PARD3: variants seen among roughly 807,000 people sequenced by gnomAD.
PARD3 encodes par-3 family cell polarity regulator.
In PARD3, 75 loss-of-function variants were observed where a neutral mutation model predicts 155.4. The observed-to-expected ratio is 0.48, with a 90% CI of 0.40 to 0.58. The LOEUF is 0.58. Among genes scored for constraint, PARD3 ranks in the 20% least tolerant of loss-of-function variants. The pLI is 0.00. For missense variants in PARD3, 1,642 were observed against 1,721.7 expected (o/e 0.95, Z 0.82); for synonymous variants, 576 against 610.5 (o/e 0.94, Z 0.83).
At chr10:34,175,162 TA>T (rs1220357828) in intron 22 of PARD3, among the ~76,000 whole-genome samples, 2 of 152,184 alleles carry the variant, frequency 1.3e-5, no homozygotes, top group Non-Finnish European at 2.9e-5. Flanking sequence ...CTGCACATGG[TA>T]AAAAAGAATC....
chr10:34,681,641 T>C (rs1590617129), intron 2 of PARD3, among the ~76,000 whole-genome samples: 1 of 145,386 alleles, frequency 6.9e-6, no homozygotes, highest in East Asian at 2.0e-4. Context: ...ATAATATATA[T>C]CAAATATATA....
At chr10:34,356,538 C>T (rs1208843181) in intron 14 of PARD3, among the ~76,000 whole-genome samples, 1 of 152,164 alleles carries the variant, frequency 6.6e-6, no homozygotes, top group Admixed American at 6.5e-5. Flanking sequence ...TAGCAAAATA[C>T]AGTTTTCTGA....
intron 4 of PARD3, among the ~76,000 whole-genome samples, chr10:34,456,640 G>T (rs2132879152): frequency 6.6e-6 from 1 of 152,156 alleles, no homozygotes; most frequent in Middle Eastern, 3.4e-3. Context: ...ACAGGAGTAA[G>T]TAAAAAAATT....
chr10:34,374,577 C>T (rs1044655006), intron 11 of PARD3, among the ~76,000 whole-genome samples: 16 of 152,056 alleles, frequency 1.1e-4, no homozygotes, highest in Middle Eastern at 6.3e-3. Flanking sequence ...AAATAATCGG[C>T]GTCTCTGTAT....
chr10:34,772,912 G>A (rs1392193561), intron 1 of PARD3, among the ~76,000 whole-genome samples: 1 of 151,742 alleles, frequency 6.6e-6, no homozygotes, highest in Non-Finnish European at 1.5e-5. Flanking sequence ...CAGATGGAAT[G>A]TGAACTTTAA....
chr10:34,311,356 A>G (rs901753810), intron 20 of PARD3, among the ~76,000 whole-genome samples: 1 of 152,154 alleles, frequency 6.6e-6, no homozygotes, highest in African/African-American at 2.4e-5. Context: ...GTGTGAGCCA[A>G]TGAACCCAAC....
intron 1 of PARD3, among the ~76,000 whole-genome samples, chr10:34,799,233 G>A (rs897372544): frequency 3.3e-5 from 5 of 152,090 alleles, no homozygotes; most frequent in Non-Finnish European, 7.4e-5. Flanking sequence ...GTAGAGATGG[G>A]GTTTCACCAT....
At chr10:34,179,197 C>T (rs1302020043) in intron 22 of PARD3, among the ~76,000 whole-genome samples, 1 of 150,010 alleles carries the variant, frequency 6.7e-6, no homozygotes, top group African/African-American at 2.5e-5. Flanking sequence ...CACACACACA[C>T]ACATATAAAA....
intron 18 of PARD3, among the ~76,000 whole-genome samples, chr10:34,332,941 A>C (rs920530887): frequency 6.6e-6 from 1 of 152,160 alleles, no homozygotes; most frequent in Non-Finnish European, 1.5e-5. Context: ...ACATAATAAG[A>C]AATGAAGGAA....
At chr10:34,526,678 C>T (rs2082507637) in intron 2 of PARD3, among the ~76,000 whole-genome samples, 1 of 152,130 alleles carries the variant, frequency 6.6e-6, no homozygotes, top group African/African-American at 2.4e-5. Context: ...GTCTCCATAC[C>T]CACACACCAC....
chr10:34,263,133 T>C, intron 22 of PARD3, among the ~76,000 whole-genome samples: 1 of 152,156 alleles, frequency 6.6e-6, no homozygotes, highest in South Asian at 2.1e-4. Context: ...TCTGCACCTA[T>C]GTGGCGATGC....
chr10:34,658,873 C>A (rs115298454), intron 2 of PARD3, among the ~76,000 whole-genome samples: 1 of 152,128 alleles, frequency 6.6e-6, no homozygotes, highest in Non-Finnish European at 1.5e-5. Flanking sequence ...ATAAAATGGA[C>A]AAAACACCAG....
intron 24 of PARD3, among the ~76,000 whole-genome samples, chr10:34,115,188 C>T (rs1351630764): frequency 1.3e-5 from 2 of 152,004 alleles, no homozygotes; most frequent in African/African-American, 2.4e-5. Flanking sequence ...AAATGGGCCT[C>T]GTGGAGAGAA....
At chr10:34,761,425 C>T (rs2134017973) in intron 1 of PARD3, among the ~76,000 whole-genome samples, 2 of 152,180 alleles carry the variant, frequency 1.3e-5, no homozygotes, top group South Asian at 4.2e-4. Context: ...TAAAAGGAAT[C>T]CCCATTTGGA....
intron 22 of PARD3, among the ~76,000 whole-genome samples, chr10:34,225,340 T>C (rs1952533270): frequency 6.8e-6 from 1 of 147,096 alleles, no homozygotes; most frequent in South Asian, 2.1e-4. Flanking sequence ...CTGGACTAGT[T>C]TTTTTTCTCT....
intron 2 of PARD3, among the ~76,000 whole-genome samples, chr10:34,630,795 G>C (rs553116364): frequency 1.4e-5 from 2 of 146,518 alleles, no homozygotes; most frequent in South Asian, 4.3e-4. Context: ...AGTGATTTCT[G>C]TAAACAGATT....
At chr10:34,742,143 CT>C (rs2095030618) in intron 1 of PARD3, among the ~76,000 whole-genome samples, 1 of 152,186 alleles carries the variant, frequency 6.6e-6, no homozygotes, top group Non-Finnish European at 1.5e-5. Context: ...AAACTTGGTT[CT>C]TCCAAGTTTC....
rs189709210 is a variant in PARD3, at chr10:34,709,726, C to T, written c.121-13307G>A. 1.4e-4 allele frequency among the ~76,000 whole-genome samples: 21 copies of T among 152,192 alleles called. 1 individual carries two copies. Among genetic ancestry groups the T allele is most frequent in the African/African-American group, 4.8e-4 (20 of 41,522 alleles). On this transcript the variant is annotated intron_variant, in intron 1 of 24. Transcript: ENST00000374788. ...AGACTTGTTTGCTGCAGAGACACAG[C>T]CCAAAACAGAGAGGGAGAAGGGAAC...
intron 12 of PARD3, among the ~76,000 whole-genome samples, chr10:34,370,854 CTG>C (rs1840526584): frequency 7.1e-6 from 1 of 141,396 alleles, no homozygotes; most frequent in African/African-American, 2.7e-5. Context: ...GTGTAAATGA[CTG>C]TGGATCTATT....
Sources: gnomAD v4.1 joint callset for allele counts (sites outside exome capture counted in the v4.1 genomes callset) on GRCh38, gnomAD v4.1.1 for gene constraint, MANE v1.5 for transcripts, NCBI Gene and HGNC (gene_info 2026-07-23, HGNC 2026-07-21) for gene names.